Variants in COL6A5 observed in about 807,000 individuals in gnomAD.
COL6A5 encodes the protein collagen alpha-5(VI) chain.
COL6A5 carries 48 observed loss-of-function variants against 65.6 expected under a neutral mutation model. That is an observed-to-expected ratio of 0.73 (90% CI 0.58 to 0.93). The LOEUF (loss-of-function observed/expected upper bound fraction) is 0.93, where lower values mean the gene tolerates loss of function less well. Among genes scored for constraint, COL6A5 ranks in the 40% least tolerant of loss-of-function variants. The pLI is 0.00. For missense variants in COL6A5, 914 were observed against 928.3 expected, an observed-to-expected ratio of 0.98 and a Z score of 0.20; for synonymous variants, 291 against 322.8, an observed-to-expected ratio of 0.90 and a Z score of 1.05.
chr3:130,425,040 C>T (rs929858726), intron 29 of COL6A5, among the ~76,000 whole-genome samples: 1 of 152,148 alleles, frequency 6.6e-6, no homozygotes, highest in Admixed American at 6.6e-5. Context: ...AAAATGTGGA[C>T]TGTCTACTCT....
At position 130,381,795 on chromosome 3, in the gene COL6A5, A is replaced by G. The variant is rs573496230; in HGVS notation, c.1300+1745A>G. On this transcript the variant is annotated intron_variant and NMD_transcript_variant, in intron 4 of 41. Transcript: ENST00000312481. The stretch of plus-strand genomic sequence containing the variant: ...TAATTTTGAACTCAGACCAGCTTCA[A>G]TCTAATACTGTTACTACACCATAGG... Among the ~76,000 whole-genome samples, 166 of 152,212 alleles carry G rather than the reference A, an allele frequency of 1.1e-3. 1 individual carries two copies. The highest frequency in any genetic ancestry group is 0.01 in the Middle Eastern group (3 of 294).
chr3:130,368,544 AGAGT>A (rs1370636766), intron 1 of COL6A5, among the ~76,000 whole-genome samples: 39 of 150,644 alleles, frequency 2.6e-4, no homozygotes, highest in Middle Eastern at 3.4e-3. Context: ...TGTGTGTGAG[AGAGT>A]GTGTGTGTGT....
exon 2 of COL6A5, chr3:130,373,685 C>T (rs1935645019): frequency 1.3e-6 from 2 of 1,540,688 alleles, no homozygotes; most frequent in South Asian, 1.2e-5. Context: ...TGGACTGAAA[C>T]ATTGGCAGAC....
chr3:130,361,188 A>T (rs1478902551), intron 1 of COL6A5, among the ~76,000 whole-genome samples: 5 of 152,130 alleles, frequency 3.3e-5, no homozygotes, highest in Non-Finnish European at 7.4e-5. Context: ...TGTATCCATT[A>T]TGATAGGATC....
intron 28 of COL6A5, 63 bp from the exon 29 acceptor site, chr3:130,423,775 C>T: frequency 7.9e-7 from 1 of 1,273,220 alleles, no homozygotes. Flanking sequence ...CTTATCGAAA[C>T]TGAAGTAGTC....
chr3:130,357,518 G>A (rs1038856738), intron 1 of COL6A5, among the ~76,000 whole-genome samples: 1 of 152,096 alleles, frequency 6.6e-6, no homozygotes, highest in African/African-American at 2.4e-5. Context: ...AAAATAATAG[G>A]CATTCTCACC....
intron 5 of COL6A5, among the ~76,000 whole-genome samples, chr3:130,459,083 T>TA (rs1709642800): frequency 6.6e-6 from 1 of 152,032 alleles, no homozygotes; most frequent in Non-Finnish European, 1.5e-5. Flanking sequence ...CCTTCAGAAT[T>TA]AAAAAACAGA....
chr3:130,466,326 C>T (rs184702725), intron 5 of COL6A5, among the ~76,000 whole-genome samples: 1 of 151,950 alleles, frequency 6.6e-6, no homozygotes, highest in African/African-American at 2.4e-5. Context: ...TCTTTGAAAA[C>T]TCCCTAAGTA....
chr3:130,401,025 A>G lies in COL6A5; in HGVS notation c.3992-6A>G. On this transcript the variant is annotated splice_region_variant and splice_polypyrimidine_tract_variant and intron_variant and NMD_transcript_variant, in intron 10 of 41. Coordinates refer to the COL6A5 transcript ENST00000312481. ...CTTTATTTATATTGTGGTTTTTACC[A>G]CATAGGACTTGATGCTCTGCTGGTA... 6.5e-7 allele frequency: 1 copy of G among 1,538,202 alleles called. No homozygotes were observed. Among genetic ancestry groups the G allele is most frequent in the East Asian group, 2.5e-5 (1 of 40,740 alleles).
intron 5 of COL6A5, among the ~76,000 whole-genome samples, chr3:130,458,171 T>C (rs541726366): frequency 6.6e-6 from 1 of 152,232 alleles, no homozygotes; most frequent in South Asian, 2.1e-4. Flanking sequence ...ATTGAAATTA[T>C]CTTCAATTCT....
chr3:130,405,994 G>T, exon 15 of COL6A5: 1 of 1,551,306 alleles, frequency 6.4e-7, no homozygotes, highest in Non-Finnish European at 8.7e-7. Context: ...CTTTTGCAGG[G>T]ACTCAAAGGA....
chr3:130,406,496 A>G (rs1365016933), intron 17 of COL6A5, among the ~76,000 whole-genome samples, 175 bp downstream of exon 17: 1 of 152,168 alleles, frequency 6.6e-6, no homozygotes, highest in Non-Finnish European at 1.5e-5. Context: ...GGGGGTAATT[A>G]TGTAATTTTA....
intron 5 of COL6A5, among the ~76,000 whole-genome samples, chr3:130,387,446 A>ATG (rs1324502304): frequency 6.6e-6 from 1 of 152,110 alleles, no homozygotes; most frequent in Non-Finnish European, 1.5e-5. Flanking sequence ...TATGTGTTAC[A>ATG]TGGAAGAGAA....
At chr3:130,346,009 C>G (rs955466458) in intron 1 of COL6A5, 28 bp downstream of exon 1, 1 of 398,552 alleles carries the variant, frequency 2.5e-6, no homozygotes, top group Admixed American at 4.4e-5. Context: ...GGACTTGGGG[C>G]CTGAGGCAGG....
chr3:130,413,473 G>C, intron 20 of COL6A5, 72 bp from the exon 21 acceptor site: 1 of 1,360,662 alleles, frequency 7.3e-7, no homozygotes. Flanking sequence ...GAGAATGAAA[G>C]AGGCTGATTT....
chr3:130,398,097 G>GGCTCAGAGAA (rs1559879201), exon 10 of COL6A5: 3 of 1,543,472 alleles, frequency 1.9e-6, no homozygotes, highest in Non-Finnish European at 2.6e-6. Flanking sequence ...CAATCAGACA[G>GGCTCAGAGAA]GCTCAGAGAA....
At chr3:130,424,607 G>A (rs1388294479) in intron 29 of COL6A5, among the ~76,000 whole-genome samples, 1 of 152,088 alleles carries the variant, frequency 6.6e-6, no homozygotes, top group East Asian at 1.9e-4. Flanking sequence ...TGCATTGTGA[G>A]TATTTTCTGA....
exon 5 of COL6A5, chr3:130,384,977 G>C (rs1320350745): frequency 6.4e-7 from 1 of 1,550,888 alleles, no homozygotes; most frequent in Non-Finnish European, 8.7e-7. Flanking sequence ...TGACACAGAA[G>C]TGGAATTTTA....
At chr3:130,355,695 G>A (rs1036528885) in intron 1 of COL6A5, among the ~76,000 whole-genome samples, 4 of 151,712 alleles carry the variant, frequency 2.6e-5, no homozygotes, top group Admixed American at 6.6e-5. Flanking sequence ...GAATGGAAAC[G>A]TGATAAGGCA....
Sources: gnomAD v4.1 joint callset for allele counts (sites outside exome capture counted in the v4.1 genomes callset) on GRCh38, gnomAD v4.1.1 for gene constraint, MANE v1.5 for transcripts, NCBI Gene and HGNC (gene_info 2026-07-23, HGNC 2026-07-21) for gene names.